The following MGMT variants were observed in gnomAD, a reference collection of about 807,000 sequenced individuals.
MGMT encodes methylated-DNA--protein-cysteine methyltransferase.
Under a neutral mutation model 15.9 loss-of-function variants are expected in MGMT, and 14 were observed. That is an observed-to-expected ratio of 0.88 (90% CI 0.58 to 1.37). The LOEUF is 1.37. MGMT is among the 40% of genes most tolerant of loss of function. The pLI, the probability that MGMT is intolerant of heterozygous loss-of-function variation, is 0.00. For synonymous variants in MGMT, 130 were observed against 118.2 expected (o/e 1.10, Z -0.65); for missense variants, 282 against 268.1 (o/e 1.05, Z -0.36).
At chr10:129,490,176 G>A (rs948457225) in intron 1 of MGMT, among the ~76,000 whole-genome samples, 1 of 152,022 alleles carries the variant, frequency 6.6e-6, no homozygotes, top group African/African-American at 2.4e-5. Context: ...TTTCAGAGCT[G>A]AAGAAAACTT....
Position 129,734,399 on chromosome 10 carries a change from T to C in MGMT, c.275-24803T>C, listed in dbSNP as rs1444546145. On this transcript the variant is annotated intron_variant, in intron 3 of 4. Coordinates refer to ENST00000651593, the MANE Select transcript of MGMT (RefSeq NM_002412.5). Reference sequence around the variant, plus strand: ...TGTATAAGAATGCTTGTGATTTTTGTACATTGATTTTGTATCCTGAGACTT... The same window carrying C: ...TGTATAAGAATGCTTGTGATTTTTGCACATTGATTTTGTATCCTGAGACTT... Among the ~76,000 whole-genome samples, 161 of 148,694 alleles carry C rather than the reference T, an allele frequency of 1.1e-3. 5 individuals carry two copies. In the East Asian group the frequency reaches 0.031, roughly 28 times the overall value.
intron 2 of MGMT, among the ~76,000 whole-genome samples, chr10:129,705,274 T>TGCC (rs1240502494): frequency 6.6e-6 from 1 of 152,226 alleles, no homozygotes; most frequent in Non-Finnish European, 1.5e-5. Flanking sequence ...TGTCTCTTGT[T>TGCC]AAAATGTGAG....
intron 2 of MGMT, among the ~76,000 whole-genome samples, chr10:129,635,725 AG>A (rs1473944497): frequency 7.9e-5 from 12 of 152,238 alleles, no homozygotes; most frequent in African/African-American, 2.9e-4. Flanking sequence ...TTTTTGAGGC[AG>A]GGAGCCACTA....
intron 1 of MGMT, among the ~76,000 whole-genome samples, chr10:129,522,043 T>C (rs1020782990): frequency 7.6e-6 from 1 of 131,588 alleles, no homozygotes; most frequent in African/African-American, 2.8e-5. Flanking sequence ...ACTGAGCTGC[T>C]GGGACTTAAT....
chr10:129,749,653 C>A (rs186835077), intron 3 of MGMT, among the ~76,000 whole-genome samples: 21 of 152,228 alleles, frequency 1.4e-4, no homozygotes, highest in African/African-American at 5.1e-4. Flanking sequence ...GTGCAATTGC[C>A]AGATCACATG....
At chr10:129,484,403 C>T (rs1404190007) in intron 1 of MGMT, among the ~76,000 whole-genome samples, 3 of 152,120 alleles carry the variant, frequency 2.0e-5, no homozygotes, top group African/African-American at 4.8e-5. Context: ...TACATCCTAT[C>T]GATTGTATTT....
In MGMT at chr10:129,536,307, C is replaced by G. The variant is rs1224062330; in HGVS notation, c.55C>G (p.Leu19Val). The G allele has an allele frequency of 6.2e-7, 1 of 1,614,116 alleles. No individual in the cohort carries two copies. Among genetic ancestry groups the G allele is most frequent in the Admixed American group, 1.7e-5 (1 of 59,994 alleles). The change falls in exon 2 of 5, where the codon CTG (leucine) becomes GTG (valine). Residue 19 changes from leucine to valine, a missense_variant. Coordinates refer to ENST00000651593, the MANE Select transcript of MGMT (RefSeq NM_002412.5). ...CACACTGGACAGCCCTTTGGGGAAG[C>G]TGGAGCTGTCTGGTTGTGAGCAGGG... ...RTTLDSPLGK[L>V]ELSGCEQGLH...
intron 2 of MGMT, among the ~76,000 whole-genome samples, chr10:129,681,468 T>A (rs1847851698): frequency 6.6e-6 from 1 of 152,126 alleles, no homozygotes; most frequent in African/African-American, 2.4e-5. Context: ...TGGAAACTTG[T>A]CAGAGCAGGA....
At chr10:129,512,891 A>C (rs2388330) in intron 1 of MGMT, among the ~76,000 whole-genome samples, 1 of 147,178 alleles carries the variant, frequency 6.8e-6, no homozygotes, top group South Asian at 2.2e-4. Flanking sequence ...CAGCAATTCT[A>C]CCCCTAAGGA....
chr10:129,574,219 A>G (rs1407448336), intron 2 of MGMT, among the ~76,000 whole-genome samples: 1 of 152,234 alleles, frequency 6.6e-6, no homozygotes, highest in African/African-American at 2.4e-5. Context: ...GGAAAAAACT[A>G]TCACTTTAAA....
intron 1 of MGMT, among the ~76,000 whole-genome samples, chr10:129,489,427 C>T (rs1845445615): frequency 6.8e-6 from 1 of 147,204 alleles, no homozygotes. Context: ...CCATTTTCCT[C>T]TTCAGGAGTT....
At chr10:129,542,622 A>G (rs539023645) in intron 2 of MGMT, among the ~76,000 whole-genome samples, 1 of 152,302 alleles carries the variant, frequency 6.6e-6, no homozygotes, top group East Asian at 1.9e-4. Flanking sequence ...TTTGTGTTGT[A>G]TGTGCTTAAA....
intron 2 of MGMT, among the ~76,000 whole-genome samples, chr10:129,666,538 T>C (rs192078549): frequency 3.9e-5 from 6 of 152,318 alleles, no homozygotes; most frequent in Admixed American, 2.6e-4. Flanking sequence ...ATAAATGAGC[T>C]CTTTTCACCT....
chr10:129,738,588 A>G (rs1025878613), intron 3 of MGMT, among the ~76,000 whole-genome samples: 1 of 152,232 alleles, frequency 6.6e-6, no homozygotes, highest in Admixed American at 6.5e-5. Context: ...CCCATGTGCC[A>G]CATTTTCTTA....
chr10:129,511,248 A>G (rs1252898509), intron 1 of MGMT, among the ~76,000 whole-genome samples: 1 of 150,362 alleles, frequency 6.7e-6, no homozygotes, highest in East Asian at 2.0e-4. Context: ...GGAACCCCGT[A>G]TACCAGACAC....
intron 2 of MGMT, among the ~76,000 whole-genome samples, chr10:129,658,138 C>T (rs987081382): frequency 2.6e-5 from 4 of 151,988 alleles, no homozygotes; most frequent in Non-Finnish European, 5.9e-5. Flanking sequence ...GTTTTTTCCC[C>T]CTTCTATGAA....
chr10:129,607,459 T>C (rs1846905605), intron 2 of MGMT, among the ~76,000 whole-genome samples: 1 of 152,214 alleles, frequency 6.6e-6, no homozygotes, highest in African/African-American at 2.4e-5. Context: ...GTGGACTGGC[T>C]GCTGCCAGGG....
At chr10:129,758,374 C>A (rs1848831180) in intron 3 of MGMT, among the ~76,000 whole-genome samples, 1 of 152,164 alleles carries the variant, frequency 6.6e-6, no homozygotes, top group African/African-American at 2.4e-5. Flanking sequence ...GGACATGGCT[C>A]TGTCTCCAGT....
chr10:129,734,007 T>G (rs61874355), intron 3 of MGMT, among the ~76,000 whole-genome samples: 28 of 145,786 alleles, frequency 1.9e-4, no homozygotes, highest in Admixed American at 2.8e-4. Context: ...GCCTCCAGCT[T>G]TGTTCTTTTG....
Sources: gnomAD v4.1 joint callset for allele counts (sites outside exome capture counted in the v4.1 genomes callset) on GRCh38, gnomAD v4.1.1 for gene constraint, MANE v1.5 for transcripts, NCBI Gene and HGNC (gene_info 2026-07-23, HGNC 2026-07-21) for gene names.